The following CHD2 variants were observed in gnomAD, a reference collection of about 807,000 sequenced individuals.
CHD2 encodes the protein ATP-dependent chromatin remodeler CHD2.
A neutral mutation model predicts 243.9 loss-of-function variants in CHD2; 28 were observed. The observed-to-expected ratio is 0.11, with a 90% CI of 0.09 to 0.16. The LOEUF is 0.16. Among genes scored for constraint, CHD2 ranks in the 10% least tolerant of loss-of-function variants. CHD2 has a pLI of 1.00. For synonymous variants in CHD2, 775 were observed against 779.0 expected (o/e 0.99, Z 0.09); for missense variants, 1,386 against 2,209.8 (o/e 0.63, Z 7.47).
chr15:92,910,237 A>G (rs988493149), intron 2 of CHD2, among the ~76,000 whole-genome samples: 5 of 152,114 alleles, frequency 3.3e-5, no homozygotes, highest in Non-Finnish European at 7.4e-5. Flanking sequence ...TGAACTGGGC[A>G]TGAACCACCA....
At chr15:92,981,613 G>A (rs1336912372) in intron 24 of CHD2, among the ~76,000 whole-genome samples, 156 bp downstream of exon 24, 9 of 152,194 alleles carry the variant, frequency 5.9e-5, no homozygotes, top group Admixed American at 3.3e-4. Context: ...AGTATGTTGT[G>A]AATGTAGGTT....
In CHD2 at chr15:92,901,210, C is replaced by A. The variant is rs776831435; in HGVS notation, c.-28C>A. On this transcript the variant is annotated 5_prime_UTR_variant, in exon 2 of 39. Coordinates refer to ENST00000394196, the MANE Select transcript of CHD2 (RefSeq NM_001271.4). ...ACTTCAAAGCAAACACAGATTCCCCCTCCCCCTTAATATTTAAGAATTAAA... is the reference window on the plus strand; with the variant it reads ...ACTTCAAAGCAAACACAGATTCCCCATCCCCCTTAATATTTAAGAATTAAA... The A allele has an allele frequency of 1.4e-6, 2 of 1,421,778 alleles. No homozygotes were observed. The highest frequency in any genetic ancestry group is 2.0e-6 in the Non-Finnish European group (2 of 1,009,478). 88.1% of individuals were successfully genotyped at this position (1,421,778 alleles called of 1,614,324 possible).
Position 92,985,658 on chromosome 15 carries a change from A to T in CHD2, c.3398A>T (p.Asp1133Val). Residue 1133 changes from aspartate to valine, a missense_variant, in exon 26 of 39, where the codon GAT becomes GTT. Coordinates refer to ENST00000394196, the MANE Select transcript of CHD2 (RefSeq NM_001271.4). Reference protein sequence around the residue: ...VRKDLVEGFTDAEIRRFIKAY... With the variant: ...VRKDLVEGFTVAEIRRFIKAY... ...AAGGACCTCGTGGAGGGATTTACTG[A>T]TGCAGAGATCCGAAGGTTGGTGGAG... The T allele has an allele frequency of 6.2e-7, 1 of 1,611,858 alleles. No individual in the cohort carries two copies. The highest frequency in any genetic ancestry group is 8.5e-7 in the Non-Finnish European group (1 of 1,179,614).
chr15:92,941,292 A>T (rs1383112262), intron 7 of CHD2, among the ~76,000 whole-genome samples: 7 of 151,884 alleles, frequency 4.6e-5, no homozygotes, highest in Non-Finnish European at 7.4e-5. Flanking sequence ...GCGCCTAGCC[A>T]ATATGTTTCT....
intron 2 of CHD2, among the ~76,000 whole-genome samples, chr15:92,911,185 C>G (rs1232505788): frequency 1.3e-5 from 2 of 152,174 alleles, no homozygotes; most frequent in African/African-American, 4.8e-5. Context: ...TCAGTGAAAA[C>G]TAAGTTGAAT....
intron 32 of CHD2, among the ~76,000 whole-genome samples, chr15:93,001,864 G>A (rs1032230922): frequency 1.3e-5 from 2 of 152,128 alleles, no homozygotes; most frequent in African/African-American, 4.8e-5. Flanking sequence ...GTTATTAGCT[G>A]ACTTTGTATA....
At chr15:92,958,204 A>G (rs1278073489) in intron 16 of CHD2, among the ~76,000 whole-genome samples, 2 of 152,226 alleles carry the variant, frequency 1.3e-5, no homozygotes, top group Non-Finnish European at 2.9e-5. Context: ...AGTGACTACC[A>G]TTGTGCAGTC....
At position 93,014,690 on chromosome 15, in the gene CHD2, C is replaced by G. The variant is rs1304476368; in HGVS notation, c.4693-6C>G. The G allele has an allele frequency of 5.6e-6, 9 of 1,613,498 alleles. No individual in the cohort carries two copies. The highest frequency in any genetic ancestry group is 7.6e-6 in the Non-Finnish European group (9 of 1,179,820). ...TGAGCTTCTTTGGTTTCCTTTTACT[C>G]TTTAGGAGCAAAAGAAGAAAGACGA... is the stretch of plus-strand genomic sequence containing the variant. On this transcript the variant is annotated splice_polypyrimidine_tract_variant and splice_region_variant and intron_variant, in intron 36 of 38. Coordinates refer to ENST00000394196, the MANE Select transcript of CHD2 (RefSeq NM_001271.4).
Position 92,997,540 on chromosome 15 carries a change from C to A in CHD2, c.3885+137C>A. The A allele has an allele frequency of 1.3e-6, 1 of 765,412 alleles. No individual in the cohort carries two copies. The highest frequency in any genetic ancestry group is 1.9e-6 in the Non-Finnish European group (1 of 520,044). The allele number at this position is 765,412 out of a possible 1,614,324, so 47.4% of individuals were successfully genotyped here. The stretch of plus-strand genomic sequence containing the variant: ...TAGTCATTCTTGGAAATACTTCCAT[C>A]TTTAGCAGATTGTGGCACTGTTTCA... On this transcript the variant is annotated intron_variant, in intron 30 of 38. Coordinates refer to ENST00000394196, the MANE Select transcript of CHD2 (RefSeq NM_001271.4). This position sits in a 1 kb window ranked among gnomAD's most constrained non-coding sequence, Gnocchi z 4.1.
intron 16 of CHD2, among the ~76,000 whole-genome samples, chr15:92,963,978 G>A (rs1201410300): frequency 6.6e-6 from 1 of 152,354 alleles, no homozygotes; most frequent in East Asian, 1.9e-4. Flanking sequence ...ACCTGCTGAA[G>A]TGGATGGTAG....
In CHD2 at chr15:93,024,694, C is replaced by T. The variant is rs759398974; in HGVS notation, c.5476C>T (p.Arg1826Trp). 7 of 1,609,330 alleles carry T rather than the reference C, an allele frequency of 4.3e-6. No individual in the cohort carries two copies. The highest frequency in any genetic ancestry group is 2.5e-6 in the Non-Finnish European group (3 of 1,177,368). ...CAACCCAGATTATAACTGGAATGTT[C>T]GGAAAACATAAAGGACAGCTCGTAA... ...KNNPDYNWNV[R>W]KT The change falls in exon 39 of 39, where the codon CGG (arginine) becomes TGG (tryptophan). Residue 1826 changes from arginine to tryptophan, a missense_variant. By Grantham distance (101) the Arg-to-Trp change is moderately radical. Transcript: ENST00000394196.
At chr15:92,907,244 A>G (rs1423904547) in intron 2 of CHD2, among the ~76,000 whole-genome samples, 1 of 152,224 alleles carries the variant, frequency 6.6e-6, no homozygotes, top group African/African-American at 2.4e-5. Context: ...GGACATAGAT[A>G]TGTGGTAGCC....
chr15:92,948,038 A>G (rs577692968), intron 12 of CHD2, among the ~76,000 whole-genome samples: 12 of 152,312 alleles, frequency 7.9e-5, no homozygotes, highest in East Asian at 7.7e-4. Context: ...AAGAAATTGT[A>G]TAACTTTTTG....
At chr15:92,961,273 T>A (rs768110755) in intron 16 of CHD2, among the ~76,000 whole-genome samples, 3 of 83,848 alleles carry the variant, frequency 3.6e-5, no homozygotes, top group Non-Finnish European at 8.3e-5. Context: ...CAGTTACAGG[T>A]TCACTTAAGT....
intron 16 of CHD2, chr15:92,965,496 A>C (rs1176697478): frequency 2.0e-5 from 3 of 147,322 alleles, no homozygotes; most frequent in African/African-American, 7.6e-5. Context: ...CCCAGGAGGC[A>C]GAGCTTGCAG....
At chr15:92,948,838 C>CA (rs2053512766) in intron 12 of CHD2, 114 bp from the exon 13 acceptor site, 13 of 1,261,736 alleles carry the variant, frequency 1.0e-5, no homozygotes, top group Non-Finnish European at 1.4e-5. Flanking sequence ...GACTCCGTCT[C>CA]AAAAAAAGAA....
chr15:92,953,728 T>A, intron 14 of CHD2, 155 bp downstream of exon 14: 1 of 674,292 alleles, frequency 1.5e-6, no homozygotes, highest in Admixed American at 2.8e-5. Context: ...ATCACAAAAG[T>A]GCAACTCAGA....
intron 26 of CHD2, among the ~76,000 whole-genome samples, chr15:92,988,041 A>G (rs556557550): frequency 4.6e-5 from 7 of 151,764 alleles, no homozygotes; most frequent in Non-Finnish European, 7.4e-5. Flanking sequence ...TAAACCCATC[A>G]ATGCAGTTTT....
chr15:92,930,895 TC>T (rs1472688831), intron 5 of CHD2, among the ~76,000 whole-genome samples: 1 of 152,188 alleles, frequency 6.6e-6, no homozygotes, highest in Non-Finnish European at 1.5e-5. Context: ...CTGAGATAGT[TC>T]CCCTCATGTT....
Sources: allele counts gnomAD v4.1 joint callset (sites outside exome capture counted in the v4.1 genomes callset), GRCh38; gene constraint gnomAD v4.1.1; non-coding constraint Gnocchi (gnomAD v3.1); transcripts MANE v1.5; gene names NCBI Gene and HGNC (gene_info 2026-07-23, HGNC 2026-07-21).